The following CSMD1 variants were observed in gnomAD, a reference collection of about 807,000 sequenced individuals.
The protein encoded by CSMD1 is CUB and sushi domain-containing protein 1.
In CSMD1, 213 loss-of-function variants were observed where a neutral mutation model predicts 417.5. The observed-to-expected ratio is 0.51, with a 90% CI of 0.46 to 0.57. CSMD1 has a LOEUF of 0.57. CSMD1 is among the 20% of genes least tolerant of loss of function. The probability of loss-of-function intolerance (pLI) is 0.00; values close to 1 mark genes in which losing one functional copy is unlikely to be tolerated. For synonymous variants in CSMD1, 2,862 were observed against 1,736.8 expected (o/e 1.65, Z -16.11); for missense variants, 6,923 against 4,529.7 (o/e 1.53, Z -15.17).
intron 5 of CSMD1, among the ~76,000 whole-genome samples, chr8:3,867,055 G>C (rs966856009): frequency 3.3e-5 from 5 of 152,038 alleles, no homozygotes; most frequent in Admixed American, 1.3e-4. Context: ...TTGCTATTTA[G>C]TTTTTACTTT....
chr8:3,907,366 C>G (rs929418343), intron 5 of CSMD1, among the ~76,000 whole-genome samples: 1 of 152,104 alleles, frequency 6.6e-6, no homozygotes, highest in African/African-American at 2.4e-5. Context: ...TAAGTTCAAT[C>G]TTTTTGGGAA....
intron 5 of CSMD1, among the ~76,000 whole-genome samples, chr8:3,765,417 G>C (rs1204954913): frequency 6.6e-6 from 1 of 152,066 alleles, no homozygotes; most frequent in Non-Finnish European, 1.5e-5. Context: ...TGTTTCATAG[G>C]CTTCCCTGGA....
chr8:3,499,728 G>C (rs1339064672), intron 10 of CSMD1, among the ~76,000 whole-genome samples: 7 of 152,022 alleles, frequency 4.6e-5, no homozygotes, highest in Non-Finnish European at 8.8e-5. Flanking sequence ...GTTCAGGTTT[G>C]TGTCACTGAG....
At chr8:3,321,771 T>A (rs552893500) in intron 23 of CSMD1, among the ~76,000 whole-genome samples, 1 of 152,178 alleles carries the variant, frequency 6.6e-6, no homozygotes, top group East Asian at 1.9e-4. Context: ...CAAAGTTAAC[T>A]GTATTTTCTA....
intron 3 of CSMD1, among the ~76,000 whole-genome samples, chr8:4,302,829 T>A (rs10094491): frequency 6.6e-6 from 1 of 152,106 alleles, no homozygotes; most frequent in Admixed American, 6.5e-5. Flanking sequence ...AGGGTCCTAG[T>A]GACCCTGTGT....
chr8:3,853,924 A>C (rs1269622363), intron 5 of CSMD1, among the ~76,000 whole-genome samples: 2 of 146,966 alleles, frequency 1.4e-5, no homozygotes, highest in Non-Finnish European at 3.0e-5. Flanking sequence ...AAAGTATAAT[A>C]TATTAATATA....
chr8:3,050,144 G>C (rs1212302561), intron 50 of CSMD1, among the ~76,000 whole-genome samples: 2 of 148,308 alleles, frequency 1.3e-5, no homozygotes, highest in East Asian at 2.0e-4. Flanking sequence ...CTCCACCTAA[G>C]ACCAGTTGCC....
chr8:4,554,027 C>G (rs1367751682), intron 2 of CSMD1, among the ~76,000 whole-genome samples: 2 of 152,178 alleles, frequency 1.3e-5, no homozygotes, highest in South Asian at 4.1e-4. Flanking sequence ...TCTAACCGCC[C>G]AGTGTTCCAC....
rs149114332 is a variant in CSMD1, at chr8:3,213,374, G to A, written c.4867+1123C>T. ...AAGTCAAGGGTCCACAGCCTGAGGA[G>A]TGTTTGCCTATAGAGACCCCCATGA... On this transcript the variant is annotated intron_variant, in intron 30 of 69. Coordinates refer to ENST00000635120, the MANE Select transcript of CSMD1 (RefSeq NM_033225.6). 8.5e-5 allele frequency among the ~76,000 whole-genome samples: 13 copies of A among 152,232 alleles called. No homozygotes were observed. In the East Asian group the frequency reaches 2.5e-3, roughly 29 times the overall value.
chr8:4,849,433 T>C (rs190348945), intron 1 of CSMD1, among the ~76,000 whole-genome samples: 1 of 152,094 alleles, frequency 6.6e-6, no homozygotes, highest in Admixed American at 6.5e-5. Context: ...ATACCCTCAG[T>C]GTACAACGGT....
intron 1 of CSMD1, among the ~76,000 whole-genome samples, chr8:4,693,207 T>A (rs1461375798): frequency 6.6e-6 from 1 of 152,194 alleles, no homozygotes; most frequent in Non-Finnish European, 1.5e-5. Flanking sequence ...TGAGACACCA[T>A]GCTCACCCCT....
chr8:4,950,486 A>C (rs1046657026), intron 1 of CSMD1, among the ~76,000 whole-genome samples: 12 of 152,334 alleles, frequency 7.9e-5, no homozygotes, highest in Middle Eastern at 3.4e-3. Context: ...ATAAGAAATA[A>C]ATCAGCCTAC....
chr8:4,957,643 C>T (rs772713037), intron 1 of CSMD1, among the ~76,000 whole-genome samples: 27 of 152,096 alleles, frequency 1.8e-4, no homozygotes, highest in Admixed American at 3.3e-4. Flanking sequence ...ATGATGTTTA[C>T]CATTCTAGAG....
chr8:3,015,346 G>C (rs151216856), intron 52 of CSMD1, among the ~76,000 whole-genome samples: 1 of 152,036 alleles, frequency 6.6e-6, no homozygotes, highest in African/African-American at 2.4e-5. Context: ...TGGTATAGCT[G>C]TCTCTGTTTG....
rs575878923 is a variant in CSMD1, at chr8:3,023,495, T to C, written c.7856-4845A>G. ...TGTGTAGCCGCCTCTACATATTCAA[T>C]TTTAACTTTCTCTTATTGTTTCTTG... On this transcript the variant is annotated intron_variant, in intron 51 of 69. Coordinates refer to ENST00000635120, the MANE Select transcript of CSMD1 (RefSeq NM_033225.6). Among the ~76,000 whole-genome samples, 176 of 152,254 alleles carry C rather than the reference T, an allele frequency of 1.2e-3. 1 individual carries two copies. Among genetic ancestry groups the C allele is most frequent in the African/African-American group, 4.1e-3 (172 of 41,538 alleles).
At chr8:4,664,142 C>T (rs1382834056) in intron 1 of CSMD1, among the ~76,000 whole-genome samples, 1 of 152,174 alleles carries the variant, frequency 6.6e-6, no homozygotes, top group Non-Finnish European at 1.5e-5. Flanking sequence ...GGTACACCAG[C>T]TGGTAAAGAG....
chr8:3,148,006 A>AT lies in CSMD1; in HGVS notation c.6031+3390dup, dbSNP rs530159804. ...CCTAACAGCATTATCCTGGTAAGATATTTTTTGTGTGACGTCAGTTGAAAT... is the reference window on the plus strand; with the variant it reads ...CCTAACAGCATTATCCTGGTAAGATATTTTTTTGTGTGACGTCAGTTGAAAT... On this transcript the variant is annotated intron_variant, in intron 40 of 69. Transcript: ENST00000635120. Among the ~76,000 whole-genome samples, 88 of 152,256 alleles carry AT rather than the reference A, an allele frequency of 5.8e-4. No individual in the cohort carries two copies. In the East Asian group the frequency reaches 0.014, roughly 24 times the overall value.
In CSMD1 at chr8:4,758,672, A is replaced by G. The variant is rs79487975; in HGVS notation, c.86-121114T>C. Among the ~76,000 whole-genome samples, 194 of 152,324 alleles carry G rather than the reference A, an allele frequency of 1.3e-3. 1 individual carries two copies. Among genetic ancestry groups the G allele is most frequent in the African/African-American group, 4.5e-3 (186 of 41,570 alleles). ...GGAAACTTACAATCATGGCAAAAGGAATAGTGGACACATCTTACATGGCAG... is the reference window on the plus strand; with the variant it reads ...GGAAACTTACAATCATGGCAAAAGGGATAGTGGACACATCTTACATGGCAG... On this transcript the variant is annotated intron_variant, in intron 1 of 69. Transcript: ENST00000635120.
chr8:4,178,215 C>G (rs1220994557), intron 3 of CSMD1, among the ~76,000 whole-genome samples: 1 of 152,136 alleles, frequency 6.6e-6, no homozygotes, highest in African/African-American at 2.4e-5. Context: ...AGCAGCACAT[C>G]AAAAAGCTAA....
Sources: gnomAD v4.1 joint callset for allele counts (sites outside exome capture counted in the v4.1 genomes callset) on GRCh38, gnomAD v4.1.1 for gene constraint, MANE v1.5 for transcripts, NCBI Gene and HGNC (gene_info 2026-07-23, HGNC 2026-07-21) for gene names.